Variants in LARGE1 observed in about 807,000 individuals in gnomAD.
The protein encoded by LARGE1 is xylosyl- and glucuronyltransferase LARGE1.
In LARGE1, 43 loss-of-function variants were observed where a neutral mutation model predicts 87.6. The observed-to-expected ratio is 0.49, with a 90% CI of 0.38 to 0.63. The LOEUF (loss-of-function observed/expected upper bound fraction) is 0.63, where lower values mean the gene tolerates loss of function less well. LARGE1 is among the 30% of genes least tolerant of loss of function. The pLI is 0.00. For missense variants in LARGE1, 802 were observed against 1,000.2 expected, an observed-to-expected ratio of 0.80 and a Z score of 2.67; for synonymous variants, 434 against 394.6, an observed-to-expected ratio of 1.10 and a Z score of -1.18.
chr22:33,446,230 T>TG (rs1418206267), intron 6 of LARGE1, among the ~76,000 whole-genome samples: 1 of 152,190 alleles, frequency 6.6e-6, no homozygotes, highest in African/African-American at 2.4e-5. Flanking sequence ...GGAAAAGGTA[T>TG]GGGGGCTCCA....
chr22:33,843,997 T>G (rs1426871340), intron 1 of LARGE1, among the ~76,000 whole-genome samples: 2 of 151,168 alleles, frequency 1.3e-5, no homozygotes, highest in Non-Finnish European at 2.9e-5. Context: ...GAGAATCGCT[T>G]GAACCCGGGA....
chr22:33,452,504 A>G (rs1399739742), intron 6 of LARGE1, among the ~76,000 whole-genome samples: 1 of 152,242 alleles, frequency 6.6e-6, no homozygotes, highest in Non-Finnish European at 1.5e-5. Context: ...AGCGGGCCAC[A>G]TAAAGAGGCT....
intron 2 of LARGE1, among the ~76,000 whole-genome samples, chr22:33,740,472 C>T (rs1045181710): frequency 6.6e-6 from 1 of 152,298 alleles, no homozygotes; most frequent in Admixed American, 6.5e-5. Context: ...GACCTATTAT[C>T]TTCAGAAAAG....
intron 1 of LARGE1, among the ~76,000 whole-genome samples, chr22:33,807,131 T>C (rs1295887091): frequency 6.6e-6 from 1 of 152,148 alleles, no homozygotes; most frequent in Non-Finnish European, 1.5e-5. Flanking sequence ...CTAGAGACAG[T>C]GTGTCTGTAT....
At chr22:33,090,286 G>A in the LARGE1 span, among the ~76,000 whole-genome samples, 1 of 152,052 alleles carries the variant, frequency 6.6e-6, no homozygotes, top group Non-Finnish European at 1.5e-5. Flanking sequence ...GAGGTGAGTT[G>A]GACAATAAAT....
intron 11 of LARGE1, among the ~76,000 whole-genome samples, chr22:33,207,965 A>C (rs1371495731): frequency 6.6e-6 from 1 of 152,192 alleles, no homozygotes; most frequent in Non-Finnish European, 1.5e-5. Context: ...CAATCTTTTC[A>C]AATTTCTAGT....
At chr22:33,410,778 T>C (rs566494882) in intron 7 of LARGE1, among the ~76,000 whole-genome samples, 3 of 152,234 alleles carry the variant, frequency 2.0e-5, no homozygotes, top group Non-Finnish European at 4.4e-5. Flanking sequence ...AGCACTGGGC[T>C]CTGACATTTA....
chr22:33,164,464 T>A (rs1438474719), exon 12 of LARGE1: 1 of 152,078 alleles, frequency 6.6e-6, no homozygotes, highest in Non-Finnish European at 1.5e-5. Flanking sequence ...TATACAGGTG[T>A]TTCTGACAAG....
chr22:33,759,469 C>T (rs74360788), intron 2 of LARGE1, among the ~76,000 whole-genome samples: 2,229 of 152,248 alleles, frequency 0.015, 46 homozygotes, highest in African/African-American at 0.052. Context: ...CTCATCCCCC[C>T]CATCTGTAAA....
intron 2 of LARGE1, among the ~76,000 whole-genome samples, chr22:33,673,061 TCAGGAGTTTGAGCCCAGCCTGGCCAA>T (rs2081463920): frequency 1.3e-5 from 2 of 151,960 alleles, no homozygotes; most frequent in South Asian, 4.2e-4. Flanking sequence ...GATCACGAGG[TCAGGAGTTTGAGCCCAGCCTGGCCAA>T]CATGGTGAAA....
the LARGE1 span, among the ~76,000 whole-genome samples, chr22:33,079,127 A>G: frequency 6.6e-5 from 10 of 151,038 alleles, no homozygotes; most frequent in Admixed American, 1.3e-4. Context: ...GTAACTCCCT[A>G]GTAGTGTAGG....
chr22:33,570,207 G>A lies in LARGE1; in HGVS notation c.616-5188C>T, dbSNP rs1384431482. Reference sequence around the variant, plus strand: ...GAAGGCACAGCATCCAGCCTCATGCGGGGCAAGCAACAGGTCTCCTCTAAG... The same window carrying A: ...GAAGGCACAGCATCCAGCCTCATGCAGGGCAAGCAACAGGTCTCCTCTAAG... On this transcript the variant is annotated intron_variant, in intron 5 of 14. Transcript: ENST00000397394. Among the ~76,000 whole-genome samples, 9 of 152,072 alleles carry A rather than the reference G, an allele frequency of 5.9e-5. No homozygotes were observed. The South Asian group carries it at 6.2e-4, about 11-fold the overall frequency.
intron 10 of LARGE1, among the ~76,000 whole-genome samples, chr22:33,321,410 T>C (rs1032995328): frequency 2.0e-5 from 3 of 152,162 alleles, no homozygotes; most frequent in African/African-American, 7.2e-5. Flanking sequence ...GGGCCTAAAA[T>C]ATGCCTATAA....
the LARGE1 span, among the ~76,000 whole-genome samples, chr22:33,089,406 C>G: frequency 8.1e-6 from 1 of 123,892 alleles, no homozygotes; most frequent in African/African-American, 3.5e-5. Context: ...CTTCTTTCTT[C>G]TTCTTCTACT....
intron 11 of LARGE1, among the ~76,000 whole-genome samples, chr22:33,248,183 G>A (rs1000082576): frequency 6.6e-6 from 1 of 151,806 alleles, no homozygotes; most frequent in Non-Finnish European, 1.5e-5. Context: ...CCCAACACTT[G>A]TAGACATTTT....
chr22:33,725,484 T>C, intron 2 of LARGE1: 1 of 152,262 alleles, frequency 6.6e-6, no homozygotes, highest in East Asian at 1.9e-4. Context: ...CATTTACCTG[T>C]CACCACTGCT....
rs993558361 is a variant in LARGE1 at position 33,542,749 on chromosome 22, G to C, written c.787+22099C>G. Among the ~76,000 whole-genome samples the C allele has an allele frequency of 2.0e-5, 3 of 151,400 alleles. No individual in the cohort carries two copies. In the Admixed American group the frequency reaches 2.0e-4, roughly 10 times the overall value. ...ATCCATAGACCTGAAAGAGACACTG[G>C]GCCCACCTACTCAAATCCATTTATT... On this transcript the variant is annotated intron_variant, in intron 6 of 14. Transcript: ENST00000397394.
chr22:33,422,938 G>C (rs2066745353), intron 7 of LARGE1, among the ~76,000 whole-genome samples: 1 of 151,838 alleles, frequency 6.6e-6, no homozygotes. Flanking sequence ...TTTGGGCAGG[G>C]AAACAGATCC....
At chr22:33,396,751 T>C (rs185182695) in intron 7 of LARGE1, among the ~76,000 whole-genome samples, 2 of 152,184 alleles carry the variant, frequency 1.3e-5, no homozygotes. Context: ...AAGGTGGGTG[T>C]GGTTGGATTT....
Sources: gnomAD v4.1 joint callset for allele counts (sites outside exome capture counted in the v4.1 genomes callset) on GRCh38, gnomAD v4.1.1 for gene constraint, MANE v1.5 for transcripts, NCBI Gene and HGNC (gene_info 2026-07-23, HGNC 2026-07-21) for gene names.